FAM153A: variants seen among roughly 807,000 people sequenced by gnomAD.
The protein encoded by FAM153A is protein FAM153A.
FAM153A carries 12 observed loss-of-function variants against 48.1 expected under a neutral mutation model. That is an observed-to-expected ratio of 0.25 (90% CI 0.16 to 0.40). The LOEUF is 0.40. FAM153A is among the 10% of genes least tolerant of loss of function. The pLI, the probability that FAM153A is intolerant of heterozygous loss-of-function variation, is 1.00. For missense variants in FAM153A, 111 were observed against 345.8 expected (o/e 0.32, Z 5.38); for synonymous variants, 36 against 118.2 (o/e 0.30, Z 4.51).
the FAM153A span, among the ~76,000 whole-genome samples, chr5:177,701,228 C>G: frequency 6.6e-6 from 1 of 151,810 alleles, no homozygotes; most frequent in East Asian, 1.9e-4. Flanking sequence ...TCCTGTACAG[C>G]CTGTAAAATC....
downstream of FAM153A, among the ~76,000 whole-genome samples, chr5:177,717,849 A>G (rs1760207312): frequency 1.3e-5 from 1 of 78,290 alleles, no homozygotes; most frequent in Non-Finnish European, 2.5e-5. Context: ...GGGTCACTCT[A>G]CAAAACAAAG....
intron 16 of FAM153A, among the ~76,000 whole-genome samples, chr5:177,730,246 C>T (rs1262486590): frequency 2.6e-5 from 3 of 117,254 alleles, no homozygotes; most frequent in African/African-American, 5.5e-5. Flanking sequence ...GTGCGGGGGG[C>T]GGGCACTGAC....
At chr5:177,696,186 G>GGGT in the FAM153A span, among the ~76,000 whole-genome samples, 1 of 103,532 alleles carries the variant, frequency 9.7e-6, no homozygotes, top group Non-Finnish European at 2.0e-5. Flanking sequence ...TTCCTAGATG[G>GGGT]GGCGGCCGGG....
the FAM153A span, among the ~76,000 whole-genome samples, chr5:177,695,752 T>A: frequency 6.6e-6 from 1 of 151,800 alleles, no homozygotes; most frequent in Non-Finnish European, 1.5e-5. Flanking sequence ...CATGGCCTGT[T>A]CTTGATGGTC....
upstream of FAM153A, among the ~76,000 whole-genome samples, chr5:177,755,675 A>G (rs1767659486): frequency 6.6e-6 from 1 of 151,760 alleles, no homozygotes; most frequent in African/African-American, 2.4e-5. Flanking sequence ...AGTGGGGGCC[A>G]ATATTCAACA....
intron 2 of FAM153A, chr5:177,750,141 C>T (rs891962058): frequency 2.3e-4 from 35 of 151,374 alleles, no homozygotes; most frequent in Admixed American, 7.9e-4. Context: ...GTTAGTTATA[C>T]GTAGCTACAT....
the FAM153A span, among the ~76,000 whole-genome samples, chr5:177,699,771 A>G: frequency 5.3e-5 from 8 of 152,044 alleles, 1 homozygote; most frequent in Admixed American, 2.0e-4. Context: ...GAATTCTACC[A>G]AACATGTAAA....
intron 1 of FAM153A, among the ~76,000 whole-genome samples, chr5:177,758,771 A>T (rs1768004697): frequency 6.8e-6 from 1 of 147,866 alleles, no homozygotes; most frequent in East Asian, 2.0e-4. Flanking sequence ...CTGGCTAGCC[A>T]TATGTAGAAA....
At chr5:177,730,649 G>A (rs201369500) in intron 16 of FAM153A, among the ~76,000 whole-genome samples, 20,994 of 132,010 alleles carry the variant, frequency 0.16, 2,737 homozygotes, top group African/African-American at 0.31. Flanking sequence ...GAAGTGCTGG[G>A]ATCAGTTGGC....
chr5:177,760,237 T>A (rs1379645397), intron 1 of FAM153A, among the ~76,000 whole-genome samples: 2 of 29,564 alleles, frequency 6.8e-5, no homozygotes, highest in African/African-American at 2.2e-4. Context: ...GGAAAGACCT[T>A]TTTTTTTTTT....
At chr5:177,726,303 AC>A (rs1404667590) in intron 18 of FAM153A, among the ~76,000 whole-genome samples, 7 of 137,396 alleles carry the variant, frequency 5.1e-5, no homozygotes, top group African/African-American at 2.0e-4. Flanking sequence ...CCTCATCAAA[AC>A]CCAGGGCTCT....
intron 11 of FAM153A, 62 bp from the exon 14 acceptor site, chr5:177,736,671 C>T: frequency 2.5e-6 from 4 of 1,574,042 alleles, no homozygotes; most frequent in Non-Finnish European, 3.4e-6. Context: ...CACAGGTCTT[C>T]TCTTCACTTG....
intron 2 of FAM153A, among the ~76,000 whole-genome samples, chr5:177,748,913 C>T (rs1167822709): frequency 2.4e-4 from 34 of 142,102 alleles, no homozygotes; most frequent in African/African-American, 8.7e-4. Flanking sequence ...TCTGGCTAAG[C>T]CCCCACACCA....
intron 1 of FAM153A, among the ~76,000 whole-genome samples, chr5:177,770,020 C>T (rs1162632694): frequency 1.9e-5 from 2 of 102,628 alleles, no homozygotes; most frequent in Non-Finnish European, 4.1e-5. Context: ...GCAAAACTGC[C>T]GTCCCTCACG....
the FAM153A span, among the ~76,000 whole-genome samples, chr5:177,701,102 C>T: frequency 2.0e-5 from 3 of 151,438 alleles, no homozygotes; most frequent in African/African-American, 7.3e-5. Context: ...GTGTATAGTC[C>T]CTCCCCTCTC....
chr5:177,723,954 TG>T, exon 21 of FAM153A: 1 of 533,700 alleles, frequency 1.9e-6, no homozygotes, highest in Non-Finnish European at 3.3e-6. Context: ...GCAAAGCCCT[TG>T]GAGTCCTGCA....
chr5:177,760,232 G>C (rs1348886815), intron 1 of FAM153A, among the ~76,000 whole-genome samples: 12,925 of 73,050 alleles, frequency 0.18, 1,030 homozygotes, highest in East Asian at 0.39. Flanking sequence ...AATTGGGAAA[G>C]ACCTTTTTTT....
At chr5:177,753,193 T>C in exon 1 of FAM153A, 1 of 1,611,670 alleles carries the variant, frequency 6.2e-7, no homozygotes, top group East Asian at 2.2e-5. Flanking sequence ...GCAACAACTA[T>C]AAACACATCC....
downstream of FAM153A, among the ~76,000 whole-genome samples, chr5:177,710,086 T>C (rs915916693): frequency 2.0e-5 from 3 of 149,646 alleles, no homozygotes; most frequent in Non-Finnish European, 4.4e-5. Context: ...ATAACAAAGA[T>C]TGTTCTGTAT....
Sources: gnomAD v4.1 joint callset for allele counts (sites outside exome capture counted in the v4.1 genomes callset) on GRCh38, gnomAD v4.1.1 for gene constraint, MANE v1.5 for transcripts, NCBI Gene and HGNC (gene_info 2026-07-23, HGNC 2026-07-21) for gene names.